ARSB: variants seen among roughly 807,000 people sequenced by gnomAD.
ARSB encodes N-acetylgalactosamine-4-sulfatase.
In ARSB, 41 loss-of-function variants were observed where a neutral mutation model predicts 50.9. That is an observed-to-expected ratio of 0.81 (90% CI 0.63 to 1.04). The LOEUF is 1.04. Among genes scored for constraint, ARSB ranks in the 50% least tolerant of loss-of-function variants. The probability of loss-of-function intolerance (pLI) is 0.00; values close to 1 mark genes in which losing one functional copy is unlikely to be tolerated. For synonymous variants in ARSB, 269 were observed against 284.8 expected, an observed-to-expected ratio of 0.94 and a Z score of 0.56; for missense variants, 672 against 693.3, an observed-to-expected ratio of 0.97 and a Z score of 0.35.
chr5:78,788,782 GA>G (rs1288809932), intron 6 of ARSB, among the ~76,000 whole-genome samples: 4 of 151,820 alleles, frequency 2.6e-5, no homozygotes, highest in Non-Finnish European at 5.9e-5. Context: ...AAAAAAATTA[GA>G]AAAAAAATTT....
chr5:78,959,605 T>C (rs1484363223), intron 3 of ARSB, among the ~76,000 whole-genome samples: 1 of 152,158 alleles, frequency 6.6e-6, no homozygotes, highest in African/African-American at 2.4e-5. Context: ...AATAAGAAAC[T>C]ATACCAGTCC....
chr5:78,975,491 G>A lies in ARSB; in HGVS notation c.313-6299C>T, dbSNP rs184674562. On this transcript the variant is annotated intron_variant, in intron 1 of 7. Transcript: ENST00000264914. ...GAAAAATGTGGTTTGGATCCCTTAA[G>A]AATGAAACCTTGGAGTCATCTTTCA... is the stretch of plus-strand genomic sequence containing the variant. Among the ~76,000 whole-genome samples the A allele has an allele frequency of 9.2e-5, 14 of 152,324 alleles. No individual in the cohort carries two copies. The East Asian group carries it at 2.7e-3, about 29-fold the overall frequency.
Position 78,963,552 on chromosome 5 carries a change from G to C in ARSB, c.690+864C>G, listed in dbSNP as rs1374028753. On this transcript the variant is annotated intron_variant, in intron 3 of 7. Transcript: ENST00000264914. ...AAGCCATATTTTGAGCCCAGTGTCT[G>C]ACAATACAAATATTTGTTCCCATTT... Among the ~76,000 whole-genome samples the C allele has an allele frequency of 2.6e-5, 4 of 152,206 alleles. No homozygotes were observed. In the East Asian group the frequency reaches 7.7e-4, roughly 29 times the overall value.
intron 1 of ARSB, among the ~76,000 whole-genome samples, chr5:78,976,734 G>A (rs1752687694): frequency 6.6e-6 from 1 of 152,200 alleles, no homozygotes; most frequent in African/African-American, 2.4e-5. Context: ...TTAGAACACT[G>A]TTAGATTCGA....
intron 6 of ARSB, among the ~76,000 whole-genome samples, chr5:78,837,637 A>G (rs1745008773): frequency 6.6e-6 from 1 of 152,234 alleles, no homozygotes; most frequent in South Asian, 2.1e-4. Flanking sequence ...CAATATATTT[A>G]ATTCAATATA....
At chr5:78,951,205 C>A (rs547674901) in intron 4 of ARSB, among the ~76,000 whole-genome samples, 5 of 152,100 alleles carry the variant, frequency 3.3e-5, no homozygotes, top group Admixed American at 2.0e-4. Flanking sequence ...ATAGCAAGAC[C>A]CTATCTTTAT....
At chr5:78,810,921 TACTC>T (rs1248824255) in intron 6 of ARSB, among the ~76,000 whole-genome samples, 26 of 152,238 alleles carry the variant, frequency 1.7e-4, no homozygotes, top group Admixed American at 1.3e-4. Flanking sequence ...ACAGAAGGCT[TACTC>T]AATACAACAA....
rs940744532 is a variant in ARSB, at chr5:78,969,109, G to C, written c.396C>G (p.Leu132=). 1.2e-6 allele frequency: 2 copies of C among 1,614,044 alleles called. No homozygotes were observed. Among genetic ancestry groups the C allele is most frequent in the Non-Finnish European group, 1.7e-6 (2 of 1,180,028 alleles). Residue 132 remains leucine (L), a synonymous_variant, in exon 2 of 8, where the codon CTC becomes CTG. Coordinates refer to ENST00000264914, the MANE Select transcript of ARSB (RefSeq NM_000046.5). ...GGGTAGTATAACCTGCTTCTTTTAG[G>C]AGCTGGGGCAGGAGTTTTTCATCCA... The part of the protein sequence containing the change: ...VPLDEKLLPQ[L]LKEAGYTTHM...
At chr5:78,865,521 G>A (rs973048726) in intron 5 of ARSB, among the ~76,000 whole-genome samples, 3 of 152,118 alleles carry the variant, frequency 2.0e-5, no homozygotes, top group Non-Finnish European at 4.4e-5. Flanking sequence ...CCTCTGACAC[G>A]CCCTGGAGAC....
At chr5:78,828,634 T>G (rs1345974064) in intron 6 of ARSB, among the ~76,000 whole-genome samples, 12 of 152,212 alleles carry the variant, frequency 7.9e-5, no homozygotes, top group Non-Finnish European at 1.8e-4. Context: ...CTGATTTTCT[T>G]TTAACTTTTT....
chr5:78,834,750 T>C (rs1290430611), intron 6 of ARSB, among the ~76,000 whole-genome samples: 2 of 150,964 alleles, frequency 1.3e-5, no homozygotes, highest in African/African-American at 2.4e-5. Flanking sequence ...AACATGAGTG[T>C]ACAAATACCT....
chr5:78,785,384 T>C lies in ARSB; in HGVS notation c.1214-3410A>G, dbSNP rs565597631. On this transcript the variant is annotated intron_variant, in intron 6 of 7. Transcript: ENST00000264914. ...TCATTTAGGTCAAGTTTGTTAACTA[T>C]GGTGTTCAAATCTTTTATATCTTTA... Among the ~76,000 whole-genome samples, 192 of 152,358 alleles carry C rather than the reference T, an allele frequency of 1.3e-3. 1 individual carries two copies. Among genetic ancestry groups the C allele is most frequent in the Admixed American group, 2.9e-3 (45 of 15,302 alleles).
At chr5:78,966,047 A>C (rs368435161) in intron 2 of ARSB, among the ~76,000 whole-genome samples, 4 of 152,372 alleles carry the variant, frequency 2.6e-5, no homozygotes, top group African/African-American at 9.6e-5. Flanking sequence ...GGTCTATTTA[A>C]GGTTTTTAAT....
In ARSB at chr5:78,950,717, G is replaced by A. The variant is rs185368171; in HGVS notation, c.898+4578C>T. ...TATATGCCACCAGGAACTCTGTGAG[G>A]TGTATGCATCAACCTGACCTCAAGC... is the stretch of plus-strand genomic sequence containing the variant. On this transcript the variant is annotated intron_variant, in intron 4 of 7. Coordinates refer to ENST00000264914, the MANE Select transcript of ARSB (RefSeq NM_000046.5). Among the ~76,000 whole-genome samples the A allele has an allele frequency of 5.3e-5, 8 of 152,268 alleles. No homozygotes were observed. The East Asian group carries it at 1.2e-3, about 22-fold the overall frequency.
At chr5:78,811,887 A>G (rs750712989) in intron 6 of ARSB, among the ~76,000 whole-genome samples, 1 of 152,228 alleles carries the variant, frequency 6.6e-6, no homozygotes. Flanking sequence ...CACTAATTAT[A>G]AAGGCAGATG....
At chr5:78,811,024 C>T (rs983793813) in intron 6 of ARSB, among the ~76,000 whole-genome samples, 19 of 152,140 alleles carry the variant, frequency 1.2e-4, no homozygotes, top group African/African-American at 3.9e-4. Flanking sequence ...GAAAAAATGT[C>T]CAGAGCTGTA....
intron 6 of ARSB, among the ~76,000 whole-genome samples, chr5:78,830,284 A>G (rs1581012363): frequency 1.3e-5 from 2 of 152,330 alleles, no homozygotes; most frequent in East Asian, 1.9e-4. Flanking sequence ...TGGGCCACTA[A>G]CCACGTGGTG....
At chr5:78,944,983 G>A (rs1033199146) in intron 4 of ARSB, among the ~76,000 whole-genome samples, 5 of 152,112 alleles carry the variant, frequency 3.3e-5, no homozygotes, top group East Asian at 1.9e-4. Flanking sequence ...AATGGTGGGC[G>A]CCCCTCCCCC....
At chr5:78,798,999 T>C (rs1240450793) in intron 6 of ARSB, among the ~76,000 whole-genome samples, 1 of 152,214 alleles carries the variant, frequency 6.6e-6, no homozygotes, top group Non-Finnish European at 1.5e-5. Flanking sequence ...CAGCCTCCTC[T>C]AGTTCTTGAC....
Sources: allele counts gnomAD v4.1 joint callset (sites outside exome capture counted in the v4.1 genomes callset), GRCh38; gene constraint gnomAD v4.1.1; transcripts MANE v1.5; gene names NCBI Gene and HGNC (gene_info 2026-07-23, HGNC 2026-07-21).